DLC1: variants seen among roughly 807,000 people sequenced by gnomAD.
The protein encoded by DLC1 is rho GTPase-activating protein 7.
Under a neutral mutation model 140.3 loss-of-function variants are expected in DLC1, and 54 were observed. That is an observed-to-expected ratio of 0.38 (90% CI 0.31 to 0.48). The LOEUF is 0.48. Ranked by LOEUF, DLC1 falls within the 20% of genes least tolerant of loss-of-function variation. The probability of loss-of-function intolerance (pLI) is 0.96; values close to 1 mark genes in which losing one functional copy is unlikely to be tolerated. For synonymous variants in DLC1, 986 were observed against 728.1 expected (o/e 1.35, Z -5.70); for missense variants, 2,536 against 1,907.0 (o/e 1.33, Z -6.14).
intron 1 of DLC1, among the ~76,000 whole-genome samples, chr8:13,527,300 G>A (rs544622616): frequency 4.6e-5 from 7 of 152,150 alleles, no homozygotes; most frequent in Admixed American, 1.3e-4. Flanking sequence ...GAAAATATAC[G>A]AAAATTTGAA....
chr8:13,587,796 G>C (rs971569709), intron 1 of DLC1, among the ~76,000 whole-genome samples: 15 of 151,698 alleles, frequency 9.9e-5, no homozygotes, highest in Non-Finnish European at 8.8e-5. Flanking sequence ...AATCTTTCAA[G>C]TTTCTATCAG....
At chr8:13,291,434 C>T (rs1367931210) in intron 5 of DLC1, among the ~76,000 whole-genome samples, 1 of 151,316 alleles carries the variant, frequency 6.6e-6, no homozygotes, top group East Asian at 1.9e-4. Context: ...ATGATATTAA[C>T]TTCTATTATT....
intron 1 of DLC1, among the ~76,000 whole-genome samples, chr8:13,548,826 A>G (rs1385850156): frequency 1.3e-5 from 2 of 152,080 alleles, no homozygotes; most frequent in Non-Finnish European, 2.9e-5. Context: ...TAGCTGAGCC[A>G]TAGGGAAGAT....
chr8:13,503,348 G>A (rs1319941156), intron 1 of DLC1, among the ~76,000 whole-genome samples: 1 of 152,042 alleles, frequency 6.6e-6, no homozygotes, highest in Non-Finnish European at 1.5e-5. Context: ...AGACTGCAGT[G>A]AGCCATGATC....
intron 1 of DLC1, chr8:13,566,964 G>A: frequency 6.6e-7 from 1 of 1,518,910 alleles, no homozygotes; most frequent in Non-Finnish European, 8.8e-7. Flanking sequence ...GGGCAAAGGA[G>A]ATGAGGAGCC....
At chr8:13,603,346 A>G (rs1359956931) in intron 1 of DLC1, among the ~76,000 whole-genome samples, 1 of 151,822 alleles carries the variant, frequency 6.6e-6, no homozygotes, top group Non-Finnish European at 1.5e-5. Flanking sequence ...CTTACACACA[A>G]TTCACTGATA....
chr8:13,526,714 T>C (rs990365239), intron 1 of DLC1, among the ~76,000 whole-genome samples: 10 of 151,856 alleles, frequency 6.6e-5, no homozygotes, highest in Non-Finnish European at 1.0e-4. Context: ...TAGGTGGGAA[T>C]TGAACAATAA....
chr8:13,479,852 AGAAGAAGAGAAAAAG>A lies in DLC1; in HGVS notation c.1023+19182_1023+19196del, dbSNP rs1563383590. On this transcript the variant is annotated intron_variant, in intron 2 of 17. Transcript: ENST00000276297. ...AAGAAGAAGAAGAAGAAGAAGAAGA[AGAAGAAGAGAAAAAG>A]AAAGAAAGAAAGAAAGAAAGAAAAA... 3.0e-3 allele frequency among the ~76,000 whole-genome samples: 301 copies of A among 100,280 alleles called. 17 individuals carry two copies. Among genetic ancestry groups the A allele is most frequent in the African/African-American group, 0.013 (284 of 22,264 alleles). 65.8% of individuals were successfully genotyped at this position (100,280 alleles called of 152,430 possible).
At position 13,095,177 on chromosome 8, in the gene DLC1, G is replaced by A. The variant is rs1417550376; in HGVS notation, c.3236C>T (p.Pro1079Leu). 6 of 1,614,106 alleles carry A rather than the reference G, an allele frequency of 3.7e-6. No individual in the cohort carries two copies. The highest frequency in any genetic ancestry group is 4.2e-6 in the Non-Finnish European group (5 of 1,180,046). Residue 1079 changes from proline (P) to leucine (L), a missense_variant, in exon 11 of 18, where the codon CCA (proline) becomes CTA (leucine). Coordinates refer to ENST00000276297, the MANE Select transcript of DLC1 (RefSeq NM_182643.3). ...TGTGCGCTGCACGTTGACCGTCAGTGGGACCCCAAACACACTCCGGTCCTT... is the reference window on the plus strand; with the variant it reads ...TGTGCGCTGCACGTTGACCGTCAGTAGGACCCCAAACACACTCCGGTCCTT... ...DYKDRSVFGV[P>L]LTVNVQRTGQ... is the part of the protein sequence containing the mutation.
At chr8:13,119,424 T>A (rs946718502) in intron 5 of DLC1, among the ~76,000 whole-genome samples, 12 of 152,086 alleles carry the variant, frequency 7.9e-5, no homozygotes, top group African/African-American at 2.9e-4. Context: ...TCACTCATCC[T>A]TCAAGATCCC....
At position 13,193,320 on chromosome 8, in the gene DLC1, GA is replaced by G. The variant is rs1209087273; in HGVS notation, c.1349-77664del. Reference sequence around the variant, plus strand: ...GACAACATCTTATTATCAAATGTTAGAAAAAAATTGAGTGTCGCTTTTTGAG... The same window carrying G: ...GACAACATCTTATTATCAAATGTTAGAAAAAATTGAGTGTCGCTTTTTGAG... On this transcript the variant is annotated intron_variant, in intron 5 of 17. Coordinates refer to ENST00000276297, the MANE Select transcript of DLC1 (RefSeq NM_182643.3). Among the ~76,000 whole-genome samples the G allele has an allele frequency of 2.0e-5, 3 of 152,162 alleles. No individual in the cohort carries two copies. In the East Asian group the frequency reaches 5.8e-4, roughly 29 times the overall value.
At chr8:13,557,169 T>G (rs1804078131) in intron 1 of DLC1, among the ~76,000 whole-genome samples, 1 of 152,180 alleles carries the variant, frequency 6.6e-6, no homozygotes, top group Non-Finnish European at 1.5e-5. Flanking sequence ...CTTCCTCAAG[T>G]GCTTTTACAT....
At chr8:13,349,575 C>A (rs80106962) in intron 4 of DLC1, among the ~76,000 whole-genome samples, 315 of 152,278 alleles carry the variant, frequency 2.1e-3, no homozygotes, top group African/African-American at 6.8e-3. Context: ...GTGTTCCCTT[C>A]CAGCCCCACT....
intron 2 of DLC1, among the ~76,000 whole-genome samples, chr8:13,448,604 C>A (rs1368215477): frequency 1.3e-5 from 2 of 152,134 alleles, no homozygotes; most frequent in African/African-American, 4.8e-5. Flanking sequence ...CTCAGGTGAT[C>A]CACCTCAGCT....
At chr8:13,413,256 A>ATTTTTTTTTTTGTTTTTTTTTTT (rs1837876385) in intron 2 of DLC1, among the ~76,000 whole-genome samples, 2 of 82,006 alleles carry the variant, frequency 2.4e-5, no homozygotes, top group Non-Finnish European at 4.5e-5. Flanking sequence ...TTTTTTTGCG[A>ATTTTTTTTTTTGTTTTTTTTTTT]TTTTTTTTTT....
intron 1 of DLC1, among the ~76,000 whole-genome samples, chr8:13,574,807 C>T (rs920261052): frequency 3.3e-5 from 5 of 152,100 alleles, no homozygotes; most frequent in Non-Finnish European, 5.9e-5. Context: ...ATTCAAATTC[C>T]AGCCTCAGAA....
chr8:13,588,496 C>T (rs1477789638), intron 1 of DLC1, among the ~76,000 whole-genome samples: 1 of 152,116 alleles, frequency 6.6e-6, no homozygotes, highest in African/African-American at 2.4e-5. Flanking sequence ...GCTCATCCAA[C>T]ACTGAATATA....
chr8:13,203,288 A>T (rs952888901), intron 5 of DLC1, among the ~76,000 whole-genome samples: 9 of 152,144 alleles, frequency 5.9e-5, no homozygotes, highest in African/African-American at 2.2e-4. Context: ...TTTTTAACAA[A>T]CGTTTATTTG....
At chr8:13,396,095 T>C (rs289567) in intron 3 of DLC1, among the ~76,000 whole-genome samples, 124,947 of 145,516 alleles carry the variant, frequency 0.86, 53,756 homozygotes, top group East Asian at 0.98. Context: ...AGTCTCACTC[T>C]GTTGCCCAGG....
Sources: allele counts gnomAD v4.1 joint callset (sites outside exome capture counted in the v4.1 genomes callset), GRCh38; gene constraint gnomAD v4.1.1; transcripts MANE v1.5; gene names NCBI Gene and HGNC (gene_info 2026-07-23, HGNC 2026-07-21).